PPM1H: variants seen among roughly 807,000 people sequenced by gnomAD.
PPM1H encodes the protein protein phosphatase, Mg2+/Mn2+ dependent 1H, also known as protein phosphatase 1H.
PPM1H carries 27 observed loss-of-function variants against 54.9 expected under a neutral mutation model. That is an observed-to-expected ratio of 0.49 (90% CI 0.36 to 0.68). The LOEUF (loss-of-function observed/expected upper bound fraction) is 0.68. Among genes scored for constraint, PPM1H ranks in the 30% least tolerant of loss-of-function variants. PPM1H has a pLI of 0.00. For missense variants in PPM1H, 596 were observed against 667.8 expected, an observed-to-expected ratio of 0.89 and a Z score of 1.19; for synonymous variants, 305 against 270.8, an observed-to-expected ratio of 1.13 and a Z score of -1.24.
intron 6 of PPM1H, among the ~76,000 whole-genome samples, chr12:62,714,657 G>A (rs1238304810): frequency 1.3e-5 from 2 of 152,128 alleles, no homozygotes; most frequent in Non-Finnish European, 2.9e-5. Context: ...CAGAAGCTTG[G>A]CAGAGCAAAG....
chr12:62,711,347 C>G (rs772475059), intron 6 of PPM1H, among the ~76,000 whole-genome samples: 11 of 152,282 alleles, frequency 7.2e-5, no homozygotes, highest in Non-Finnish European at 8.8e-5. Context: ...CTGACAGTGG[C>G]AAAATGATCT....
At chr12:62,923,816 T>G (rs1871881826) in intron 1 of PPM1H, among the ~76,000 whole-genome samples, 1 of 152,174 alleles carries the variant, frequency 6.6e-6, no homozygotes, top group Middle Eastern at 3.2e-3. Context: ...AGACACTTGG[T>G]TCCTGGCCCA....
chr12:62,669,999 C>T (rs1448822633), intron 8 of PPM1H, among the ~76,000 whole-genome samples: 35 of 25,524 alleles, frequency 1.4e-3, no homozygotes, highest in African/African-American at 0.011. Context: ...TTTTTTGAGA[C>T]GGAGTTTTGC....
intron 3 of PPM1H, among the ~76,000 whole-genome samples, chr12:62,800,137 T>C (rs2076758207): frequency 6.6e-6 from 1 of 152,190 alleles, no homozygotes; most frequent in South Asian, 2.1e-4. Flanking sequence ...GGTGAATATA[T>C]GAACTATTTT....
chr12:62,753,609 T>G (rs534813140), intron 4 of PPM1H, among the ~76,000 whole-genome samples: 12 of 152,344 alleles, frequency 7.9e-5, no homozygotes, highest in Admixed American at 2.0e-4. Flanking sequence ...TTGTTGGATG[T>G]AAAATCGGAA....
intron 1 of PPM1H, among the ~76,000 whole-genome samples, chr12:62,905,232 G>C (rs1871270499): frequency 6.6e-6 from 1 of 152,230 alleles, no homozygotes; most frequent in South Asian, 2.1e-4. Context: ...CTAGCACCTA[G>C]ATTTTGGTGT....
At chr12:62,849,141 C>G (rs1371835577) in intron 1 of PPM1H, among the ~76,000 whole-genome samples, 1 of 152,058 alleles carries the variant, frequency 6.6e-6, no homozygotes, top group African/African-American at 2.4e-5. Flanking sequence ...GAAGTGGCTG[C>G]CATACAAAGG....
intron 1 of PPM1H, among the ~76,000 whole-genome samples, chr12:62,923,569 T>C (rs1383790375): frequency 6.6e-6 from 1 of 152,094 alleles, no homozygotes; most frequent in Non-Finnish European, 1.5e-5. Context: ...GTCTGGCTAA[T>C]TTTTGTATTT....
chr12:62,896,069 G>T (rs1870977018), intron 1 of PPM1H, among the ~76,000 whole-genome samples: 1 of 152,048 alleles, frequency 6.6e-6, no homozygotes, highest in Non-Finnish European at 1.5e-5. Flanking sequence ...GCTACATTTG[G>T]TAACAAAATG....
At chr12:62,751,693 C>G (rs1334377432) in intron 4 of PPM1H, among the ~76,000 whole-genome samples, 1 of 152,178 alleles carries the variant, frequency 6.6e-6, no homozygotes, top group Non-Finnish European at 1.5e-5. Context: ...CTTTATGGTG[C>G]TATAAATCAG....
Position 62,934,446 on chromosome 12 carries a change from A to G in PPM1H, c.245+46T>C, listed in dbSNP as rs761494891. The G allele has an allele frequency of 8.7e-6, 13 of 1,496,362 alleles. 1 individual carries two copies. The South Asian group carries it at 1.7e-4, about 19-fold the overall frequency. 92.7% of individuals were successfully genotyped at this position (1,496,362 alleles called of 1,614,324 possible). A position where few individuals can be genotyped will look rare whatever the true frequency, so the allele number is the denominator to read the frequency against. On this transcript the variant is annotated intron_variant, in intron 1 of 9. Coordinates refer to ENST00000228705, the MANE Select transcript of PPM1H (RefSeq NM_020700.2). The surrounding 1 kb of genome is among the most constrained non-coding windows in gnomAD (Gnocchi z 4.2). Reference sequence around the variant, plus strand: ...GAAGAGGGCTGGAACCGTGCGGGGAAGGGCCGCGAGGAGAGCAGGGGCGCC... The same window carrying G: ...GAAGAGGGCTGGAACCGTGCGGGGAGGGGCCGCGAGGAGAGCAGGGGCGCC...
intron 1 of PPM1H, among the ~76,000 whole-genome samples, chr12:62,848,529 T>G (rs1039835682): frequency 6.6e-5 from 10 of 152,214 alleles, no homozygotes; most frequent in African/African-American, 2.4e-4. Context: ...TCTGGAGGAC[T>G]TCTTAAAACA....
chr12:62,764,601 G>GTT (rs148142570), intron 4 of PPM1H, among the ~76,000 whole-genome samples: 2 of 149,148 alleles, frequency 1.3e-5, no homozygotes, highest in African/African-American at 4.9e-5. Context: ...CTCCCATTTT[G>GTT]TTTTTTTTTT....
chr12:62,913,771 G>T (rs1299619245), intron 1 of PPM1H, among the ~76,000 whole-genome samples: 1 of 152,104 alleles, frequency 6.6e-6, no homozygotes, highest in Non-Finnish European at 1.5e-5. Context: ...TTTAATCTCG[G>T]CTCACTGCAA....
intron 9 of PPM1H, chr12:62,659,269 CAAAAAAAAAAAAAA>C (rs11349692): frequency 1.1e-5 from 1 of 90,798 alleles, no homozygotes; most frequent in Admixed American, 1.5e-4. Flanking sequence ...GTAAAAACTG[CAAAAAAAAAAAAAA>C]AAAAAAAAGA....
At chr12:62,690,366 C>A (rs868742172) in intron 7 of PPM1H, among the ~76,000 whole-genome samples, 8 of 152,116 alleles carry the variant, frequency 5.3e-5, no homozygotes, top group South Asian at 4.2e-4. Flanking sequence ...TGTTTTATGG[C>A]TGGAGAAAAG....
intron 6 of PPM1H, among the ~76,000 whole-genome samples, chr12:62,705,053 A>C (rs2076165448): frequency 6.6e-6 from 1 of 152,228 alleles, no homozygotes. Context: ...GGGAGACTCT[A>C]CTGGGTTACA....
chr12:62,771,045 GACACACACACACACACACACAC>G (rs71086630), intron 4 of PPM1H, among the ~76,000 whole-genome samples: 1 of 129,498 alleles, frequency 7.7e-6, no homozygotes, highest in Admixed American at 7.9e-5. Context: ...AAAAGAAAAA[GACACACACACACACACACACAC>G]ACACACACAC....
chr12:62,847,176 G>A (rs756785663), intron 1 of PPM1H, among the ~76,000 whole-genome samples: 5 of 152,178 alleles, frequency 3.3e-5, no homozygotes, highest in Non-Finnish European at 7.3e-5. Context: ...AAGAGAGGGA[G>A]AGACAAAGAG....
Sources: allele counts gnomAD v4.1 joint callset (sites outside exome capture counted in the v4.1 genomes callset), GRCh38; gene constraint gnomAD v4.1.1; non-coding constraint Gnocchi (gnomAD v3.1); transcripts MANE v1.5; gene names NCBI Gene and HGNC (gene_info 2026-07-23, HGNC 2026-07-21).